Variants in IQCH observed in about 807,000 individuals in gnomAD.
IQCH encodes IQ domain-containing protein H.
IQCH carries 98 observed loss-of-function variants against 117.0 expected under a neutral mutation model. The observed-to-expected ratio is 0.84, with a 90% CI of 0.71 to 0.99. The LOEUF (loss-of-function observed/expected upper bound fraction) is 0.99. Among genes scored for constraint, IQCH ranks in the 50% least tolerant of loss-of-function variants. IQCH has a pLI of 0.00. For synonymous variants in IQCH, 412 were observed against 448.2 expected, an observed-to-expected ratio of 0.92 and a Z score of 1.02; for missense variants, 1,102 against 1,243.8, an observed-to-expected ratio of 0.89 and a Z score of 1.72.
At chr15:67,307,530 G>A in intron 4 of IQCH, among the ~76,000 whole-genome samples, 1 of 151,960 alleles carries the variant, frequency 6.6e-6, no homozygotes, top group Non-Finnish European at 1.5e-5. Context: ...GAGTGGGAGT[G>A]GAGAAAGAAG....
intron 4 of IQCH, among the ~76,000 whole-genome samples, chr15:67,310,671 C>T (rs1002100022): frequency 6.6e-6 from 1 of 152,046 alleles, no homozygotes; most frequent in African/African-American, 2.4e-5. Context: ...GATTGTTTCA[C>T]TGCTTGATTT....
At chr15:67,486,062 A>G (rs1416890058) in intron 18 of IQCH, among the ~76,000 whole-genome samples, 1 of 107,254 alleles carries the variant, frequency 9.3e-6, no homozygotes, top group Non-Finnish European at 1.8e-5. Context: ...TTTTTTTGAG[A>G]TAGAGTCTTG....
chr15:67,368,033 T>C (rs940632743), intron 8 of IQCH, among the ~76,000 whole-genome samples: 2 of 152,332 alleles, frequency 1.3e-5, no homozygotes, highest in African/African-American at 4.8e-5. Flanking sequence ...TAAAGGTTCT[T>C]GACACATACT....
intron 1 of IQCH, among the ~76,000 whole-genome samples, chr15:67,258,560 A>G (rs887268963): frequency 4.6e-5 from 7 of 151,544 alleles, no homozygotes; most frequent in African/African-American, 1.7e-4. Context: ...GAAGTTAAAG[A>G]TAATTGAGGT....
intron 16 of IQCH, among the ~76,000 whole-genome samples, chr15:67,460,274 A>G (rs2082759030): frequency 6.6e-6 from 1 of 152,206 alleles, no homozygotes; most frequent in African/African-American, 2.4e-5. Flanking sequence ...ATGGAAGTCT[A>G]TATACAGTTG....
intron 16 of IQCH, among the ~76,000 whole-genome samples, chr15:67,437,154 C>T (rs1030472007): frequency 1.3e-5 from 2 of 152,194 alleles, no homozygotes; most frequent in African/African-American, 4.8e-5. Flanking sequence ...TCCATTGCAT[C>T]CCCCGCCACC....
chr15:67,306,990 G>A (rs774016835), intron 4 of IQCH: 1 of 1,362,414 alleles, frequency 7.3e-7, no homozygotes, highest in Non-Finnish European at 9.5e-7. Flanking sequence ...TTCTTAAAAG[G>A]CTTGAAACAT....
chr15:67,334,268 A>G (rs1596202053), intron 4 of IQCH, among the ~76,000 whole-genome samples: 1 of 152,124 alleles, frequency 6.6e-6, no homozygotes, highest in African/African-American at 2.4e-5. Flanking sequence ...GCCACAGCAG[A>G]TGATACTTGA....
At position 67,458,670 on chromosome 15, in the gene IQCH, G is replaced by A. The variant is rs918954508; in HGVS notation, c.2506-6457G>A. On this transcript the variant is annotated intron_variant, in intron 16 of 20. Coordinates refer to ENST00000335894, the MANE Select transcript of IQCH (RefSeq NM_001031715.3). The surrounding 1 kb of genome is among the most constrained non-coding windows in gnomAD (Gnocchi z 4.1). ...ACAGAGGGAACCATGGCCTACCCAT[G>A]GCTGTATTCTCTACCAACCAGAGGA... 3.3e-5 allele frequency among the ~76,000 whole-genome samples: 5 copies of A among 152,214 alleles called. No individual in the cohort carries two copies. The highest frequency in any genetic ancestry group is 1.2e-4 in the African/African-American group (5 of 41,452).
chr15:67,473,541 GTCTT>G lies in IQCH; in HGVS notation c.2677-2150_2677-2147del, dbSNP rs2083124223. Among the ~76,000 whole-genome samples, 1 of 152,224 alleles carries G rather than the reference GTCTT, an allele frequency of 6.6e-6. No individual in the cohort carries two copies. The highest frequency in any genetic ancestry group is 2.4e-5 in the African/African-American group (1 of 41,458). ...TCCAAAGCATTTATCAATGGGCAGT[GTCTT>G]TCTTAAATTACATACTTTGAAGAGT... On this transcript the variant is annotated intron_variant, in intron 17 of 20. Transcript: ENST00000335894. This position sits in a 1 kb window ranked among gnomAD's most constrained non-coding sequence, Gnocchi z 4.9.
In IQCH at chr15:67,373,393, C is replaced by G. The variant is rs778565389; in HGVS notation, c.1332C>G (p.Ile444Met). The G allele has an allele frequency of 6.2e-7, 1 of 1,612,680 alleles. No individual in the cohort carries two copies. The highest frequency in any genetic ancestry group is 8.5e-7 in the Non-Finnish European group (1 of 1,178,918). Residue 444 changes from isoleucine (I) to methionine (M), a missense_variant, in exon 10 of 21, where the codon ATC (isoleucine) becomes ATG (methionine). By Grantham distance (10) the Ile-to-Met change is conservative (BLOSUM62 1). Around this residue, in one of 2 missense-constraint regions of IQCH, gnomAD observed 650 missense variants for 794.3 expected, o/e 0.82. Transcript: ENST00000335894. ...ATCTGGCAGCCAACTGGAATCGCAT[C>G]AGGACCTCCAGGAGGACTATTATCC... Reference protein sequence around the residue: ...AKHLAANWNRIRTSRRTIIHI... With the variant: ...AKHLAANWNRMRTSRRTIIHI...
intron 4 of IQCH, among the ~76,000 whole-genome samples, chr15:67,291,722 G>A (rs1166986544): frequency 6.6e-6 from 1 of 152,088 alleles, no homozygotes; most frequent in Non-Finnish European, 1.5e-5. Flanking sequence ...ACCTCTATCA[G>A]GGTAAAAATT....
intron 16 of IQCH, among the ~76,000 whole-genome samples, chr15:67,444,130 T>C (rs1293673642): frequency 1.3e-5 from 2 of 152,260 alleles, no homozygotes; most frequent in Non-Finnish European, 2.9e-5. Context: ...TTCTCTTATA[T>C]GTCCTCAATA....
At chr15:67,438,487 C>A (rs1044409446) in intron 16 of IQCH, among the ~76,000 whole-genome samples, 2 of 152,122 alleles carry the variant, frequency 1.3e-5, no homozygotes, top group Non-Finnish European at 2.9e-5. Context: ...AACAAAAATA[C>A]AAGTTAAAAA....
At chr15:67,304,485 TA>T (rs1449817691) in intron 4 of IQCH, 2 of 1,050,954 alleles carry the variant, frequency 1.9e-6, no homozygotes, top group African/African-American at 1.6e-5. Flanking sequence ...AATGAGCTCT[TA>T]TTTTTTTAAG....
At chr15:67,452,798 T>G (rs1012542935) in intron 16 of IQCH, among the ~76,000 whole-genome samples, 17 of 152,274 alleles carry the variant, frequency 1.1e-4, no homozygotes, top group Admixed American at 1.0e-3. Context: ...GAAGTTCTCC[T>G]GGATAATATC....
chr15:67,416,988 C>G lies in IQCH; in HGVS notation c.2155C>G (p.Gln719Glu), dbSNP rs776774438. 1 of 1,611,938 alleles carries G rather than the reference C, an allele frequency of 6.2e-7. No homozygotes were observed. The highest frequency in any genetic ancestry group is 2.2e-5 in the East Asian group (1 of 44,690). ...ELAGILAQHA[Q>E]PVNEKRFPTW... ...GGCGGGCATTTTAGCACAGCACGCA[C>G]AGCCAGTCAATGAGAAACGGTTCCC... Residue 719 changes from glutamine (Q) to glutamate (E), a missense_variant, in exon 15 of 21, where the codon CAG becomes GAG. Transcript: ENST00000335894. This position sits in a 1 kb window ranked among gnomAD's most constrained non-coding sequence, Gnocchi z 5.1.
At chr15:67,373,462 A>G in intron 10 of IQCH, 29 bp downstream of exon 10, 2 of 1,416,898 alleles carry the variant, frequency 1.4e-6, no homozygotes, top group Non-Finnish European at 2.0e-6. Flanking sequence ...CAAATCTATC[A>G]GCAACCTCTA....
intron 4 of IQCH, among the ~76,000 whole-genome samples, chr15:67,325,516 T>C (rs1033326191): frequency 1.3e-5 from 2 of 152,084 alleles, no homozygotes; most frequent in African/African-American, 4.8e-5. Context: ...ATAACTATTA[T>C]CTAAAATGAA....
Sources: allele counts gnomAD v4.1 joint callset (sites outside exome capture counted in the v4.1 genomes callset), GRCh38; gene constraint gnomAD v4.1.1; regional missense constraint gnomAD v4.1.1; non-coding constraint Gnocchi (gnomAD v3.1); transcripts MANE v1.5; gene names NCBI Gene and HGNC (gene_info 2026-07-23, HGNC 2026-07-21).